Variants in TENM3 observed in about 807,000 individuals in gnomAD.
TENM3 encodes the protein teneurin transmembrane protein 3, also known as teneurin-3.
In TENM3, 63 loss-of-function variants were observed where a neutral mutation model predicts 255.1. That is an observed-to-expected ratio of 0.25 (90% CI 0.20 to 0.30). TENM3 has a LOEUF of 0.30. TENM3 is among the 10% of genes least tolerant of loss of function. TENM3 has a pLI of 1.00. For synonymous variants in TENM3, 1,306 were observed against 1,322.3 expected, an observed-to-expected ratio of 0.99 and a Z score of 0.27; for missense variants, 2,929 against 3,461.1, an observed-to-expected ratio of 0.85 and a Z score of 3.86.
At chr4:182,279,372 T>C (rs1251942611) in intron 1 of TENM3, among the ~76,000 whole-genome samples, 3 of 152,198 alleles carry the variant, frequency 2.0e-5, no homozygotes, top group Non-Finnish European at 4.4e-5. Flanking sequence ...GTATAAAATG[T>C]CGATCAGTAC....
chr4:182,501,006 T>C (rs1268913716), intron 3 of TENM3, among the ~76,000 whole-genome samples: 1 of 152,180 alleles, frequency 6.6e-6, no homozygotes, highest in African/African-American at 2.4e-5. Flanking sequence ...TTTCTTTATT[T>C]AGTCTTGATT....
At chr4:182,616,945 T>C (rs1279580489) in intron 4 of TENM3, among the ~76,000 whole-genome samples, 1 of 152,216 alleles carries the variant, frequency 6.6e-6, no homozygotes, top group Non-Finnish European at 1.5e-5. Context: ...TTCATCATTC[T>C]CTAAAGCACA....
rs751386656 is a variant in TENM3 at position 182,792,422 on chromosome 4, C to A, written c.5750C>A (p.Pro1917His). 2 of 1,614,050 alleles carry A rather than the reference C, an allele frequency of 1.2e-6. No homozygotes were observed. Among genetic ancestry groups the A allele is most frequent in the Admixed American group, 1.7e-5 (1 of 60,032 alleles). The stretch of plus-strand genomic sequence containing the variant: ...GGCTACTACCGCAACATATACAACC[C>A]CCCGGAAAGCAACGCCTCCATCATC... Reference protein sequence around the residue: ...SIGYYRNIYNPPESNASIITD... With the variant: ...SIGYYRNIYNHPESNASIITD... The change falls in exon 26 of 28, where the codon CCC becomes CAC. Residue 1917 changes from proline (P) to histidine (H), a missense_variant. By Grantham distance (77) the Pro-to-His change is moderately conservative. Transcript: ENST00000511685. The surrounding 1 kb of genome is among the most constrained non-coding windows in gnomAD (Gnocchi z 6.3).
At position 182,680,214 on chromosome 4, in the gene TENM3, T is replaced by TACAAC. The variant is rs1756036174; in HGVS notation, c.1538-32_1538-28dup. On this transcript the variant is annotated intron_variant, in intron 8 of 27. Transcript: ENST00000511685. ...TTTATCTTTTGCAAGAGGCAGGCTA[T>TACAAC]ACAACAAGTGTTCCTTCTTTCCTTT... The TACAAC allele has an allele frequency of 2.0e-6, 3 of 1,470,090 alleles. No homozygotes were observed. In the African/African-American group the frequency reaches 4.1e-5, roughly 20 times the overall value. The allele number at this position is 1,470,090 out of a possible 1,614,324, so 91.1% of individuals were successfully genotyped here.
At chr4:181,690,987 C>A in the TENM3 span, among the ~76,000 whole-genome samples, 6 of 152,246 alleles carry the variant, frequency 3.9e-5, no homozygotes, top group South Asian at 1.2e-3. Context: ...TTTGCTTTGT[C>A]TTTACTGAAT....
chr4:181,952,182 C>G, the TENM3 span, among the ~76,000 whole-genome samples: 1 of 152,136 alleles, frequency 6.6e-6, no homozygotes, highest in African/African-American at 2.4e-5. Context: ...ATTTGTGTTG[C>G]CTTTCTTTTG....
At chr4:182,513,483 A>G (rs1474442434) in intron 3 of TENM3, among the ~76,000 whole-genome samples, 1 of 151,696 alleles carries the variant, frequency 6.6e-6, no homozygotes, top group African/African-American at 2.4e-5. Context: ...TAGGCTACCT[A>G]TTTAAAGATC....
chr4:182,600,868 C>CATATAT (rs141344153), intron 3 of TENM3, 56 bp from the exon 4 acceptor site: 151 of 628,436 alleles, frequency 2.4e-4, no homozygotes, highest in Middle Eastern at 5.0e-4. Context: ...TGTGTATATA[C>CATATAT]ATATATATAT....
chr4:182,665,820 C>T (rs1418681997), intron 6 of TENM3, among the ~76,000 whole-genome samples: 5 of 151,988 alleles, frequency 3.3e-5, no homozygotes, highest in African/African-American at 7.2e-5. Context: ...GGCATGAACC[C>T]GGGAGGCGGA....
At chr4:182,453,923 A>T (rs1468336530) in intron 3 of TENM3, among the ~76,000 whole-genome samples, 1 of 152,168 alleles carries the variant, frequency 6.6e-6, no homozygotes, top group Non-Finnish European at 1.5e-5. Flanking sequence ...CTTCTGCTTC[A>T]AAGTTGTACA....
the TENM3 span, among the ~76,000 whole-genome samples, chr4:181,536,002 A>G: frequency 0.21 from 31,505 of 152,038 alleles, 4,097 homozygotes; most frequent in Non-Finnish European, 0.3. Context: ...ATTCCACTCA[A>G]TATCTTATTA....
chr4:181,934,520 G>C, the TENM3 span, among the ~76,000 whole-genome samples: 1 of 152,056 alleles, frequency 6.6e-6, no homozygotes, highest in Non-Finnish European at 1.5e-5. Context: ...TTATTAGCTG[G>C]TTTTAAATTA....
the TENM3 span, among the ~76,000 whole-genome samples, chr4:182,046,822 G>A: frequency 7.2e-5 from 11 of 152,282 alleles, 1 homozygote; most frequent in South Asian, 2.3e-3. Context: ...AGAGCACCAT[G>A]TCCTATAGCA....
the TENM3 span, among the ~76,000 whole-genome samples, chr4:182,022,649 A>G: frequency 6.6e-6 from 1 of 152,192 alleles, no homozygotes; most frequent in Non-Finnish European, 1.5e-5. Context: ...TCATATTTTA[A>G]CATAAATATT....
intron 3 of TENM3, among the ~76,000 whole-genome samples, chr4:182,555,168 A>T (rs930984848): frequency 2.6e-5 from 4 of 152,214 alleles, no homozygotes; most frequent in Non-Finnish European, 4.4e-5. Flanking sequence ...GAATTAGTCT[A>T]TGACTGAAGG....
At chr4:181,451,921 A>C in the TENM3 span, among the ~76,000 whole-genome samples, 1 of 151,946 alleles carries the variant, frequency 6.6e-6, no homozygotes, top group Non-Finnish European at 1.5e-5. Flanking sequence ...AGATTTTTTT[A>C]AGATCTTGAA....
At chr4:181,565,568 G>T in the TENM3 span, among the ~76,000 whole-genome samples, 3 of 152,172 alleles carry the variant, frequency 2.0e-5, no homozygotes, top group South Asian at 4.1e-4. Context: ...ACGAGGGCAC[G>T]CAGCAAAGTC....
intron 2 of TENM3, among the ~76,000 whole-genome samples, chr4:182,334,093 A>C (rs1402588344): frequency 1.3e-5 from 2 of 152,190 alleles, no homozygotes; most frequent in East Asian, 1.9e-4. Context: ...TTGAGGATAA[A>C]ATGAGTTAAT....
chr4:181,629,902 A>G, the TENM3 span, among the ~76,000 whole-genome samples: 1 of 152,196 alleles, frequency 6.6e-6, no homozygotes, highest in Non-Finnish European at 1.5e-5. Flanking sequence ...GAATAGTTTC[A>G]GAAGGAATGG....
Sources: gnomAD v4.1 joint callset for allele counts (sites outside exome capture counted in the v4.1 genomes callset) on GRCh38, gnomAD v4.1.1 for gene constraint, Gnocchi (gnomAD v3.1) non-coding constraint, MANE v1.5 for transcripts, NCBI Gene and HGNC (gene_info 2026-07-23, HGNC 2026-07-21) for gene names.